KCND3: variants seen among roughly 807,000 people sequenced by gnomAD.
KCND3 encodes the protein A-type voltage-gated potassium channel KCND3.
A neutral mutation model predicts 51.1 loss-of-function variants in KCND3; 9 were observed. The ratio of observed to expected loss-of-function variants is 0.18; its 90% CI spans 0.11 to 0.31. The LOEUF (loss-of-function observed/expected upper bound fraction) is 0.31, where lower values mean the gene tolerates loss of function less well. Ranked by LOEUF, KCND3 falls within the 10% of genes least tolerant of loss-of-function variation. The pLI is 1.00. For synonymous variants in KCND3, 349 were observed against 368.0 expected (o/e 0.95, Z 0.59); for missense variants, 526 against 903.8 (o/e 0.58, Z 5.36).
intron 2 of KCND3, among the ~76,000 whole-genome samples, chr1:111,801,020 C>G (rs1313700684): frequency 6.6e-6 from 1 of 152,208 alleles, no homozygotes; most frequent in Non-Finnish European, 1.5e-5. Context: ...CCTTGTCCCT[C>G]AGGCCTGTAC....
rs530513432 is a variant in KCND3, at chr1:111,968,287, G to A, written c.1106+13334C>T. ...TTTGGCTCAGAAGGCAGGGGCACGAGTCCTCAGGTACAAAAATCTCAGGAA... is the reference window on the plus strand; with the variant it reads ...TTTGGCTCAGAAGGCAGGGGCACGAATCCTCAGGTACAAAAATCTCAGGAA... On this transcript the variant is annotated intron_variant, in intron 2 of 7. Transcript: ENST00000302127. Among the ~76,000 whole-genome samples, 39 of 152,176 alleles carry A rather than the reference G, an allele frequency of 2.6e-4. 1 individual carries two copies. The South Asian group carries it at 7.1e-3, about 28-fold the overall frequency.
rs866085188 is a variant in KCND3 at position 111,774,315 on chromosome 1, T to C, written c.*1762A>G. The C allele has an allele frequency of 6.6e-6, 1 of 152,150 alleles. No homozygotes were observed. Among genetic ancestry groups the C allele is most frequent in the African/African-American group, 2.4e-5 (1 of 41,416 alleles). The allele number at this position is 152,150 out of a possible 1,614,324, so 9.4% of individuals were successfully genotyped here. On this transcript the variant is annotated 3_prime_UTR_variant, in exon 8 of 8. Transcript: ENST00000302127. ...GCTAACCACTAAGCTGTAGGATGGATAGGCAGCTCCCGAGGAGCTCATGTA... is the reference window on the plus strand; with the variant it reads ...GCTAACCACTAAGCTGTAGGATGGACAGGCAGCTCCCGAGGAGCTCATGTA...
chr1:111,800,597 T>C (rs964257767), intron 2 of KCND3, among the ~76,000 whole-genome samples: 1 of 151,104 alleles, frequency 6.6e-6, no homozygotes, highest in African/African-American at 2.4e-5. Flanking sequence ...TTATTTGTGG[T>C]GATGCTTCCT....
At chr1:111,857,473 T>C (rs1305600709) in intron 2 of KCND3, among the ~76,000 whole-genome samples, 1 of 152,186 alleles carries the variant, frequency 6.6e-6, no homozygotes, top group African/African-American at 2.4e-5. Flanking sequence ...TTTGCCAGCA[T>C]ATGCAGTACA....
At chr1:111,980,396 A>G (rs1674884522) in intron 2 of KCND3, among the ~76,000 whole-genome samples, 1 of 152,100 alleles carries the variant, frequency 6.6e-6, no homozygotes, top group Non-Finnish European at 1.5e-5. Flanking sequence ...GACAAATGTA[A>G]TCATTTTAAA....
At chr1:111,940,444 T>C (rs1364240906) in intron 2 of KCND3, among the ~76,000 whole-genome samples, 1 of 152,234 alleles carries the variant, frequency 6.6e-6, no homozygotes, top group African/African-American at 2.4e-5. Context: ...TTTCTGCATA[T>C]GGCTAGCCTG....
At chr1:111,984,571 T>A (rs1182243805) in intron 1 of KCND3, among the ~76,000 whole-genome samples, 2 of 152,202 alleles carry the variant, frequency 1.3e-5, no homozygotes, top group African/African-American at 2.4e-5. Context: ...AAATCCATTC[T>A]GCTCAGTGTT....
intron 2 of KCND3, among the ~76,000 whole-genome samples, chr1:111,978,193 G>C (rs552904854): frequency 6.6e-6 from 1 of 152,330 alleles, no homozygotes; most frequent in East Asian, 1.9e-4. Flanking sequence ...TCATCAACGA[G>C]GTGCTGGGAA....
chr1:111,980,331 G>A (rs1674881225), intron 2 of KCND3, among the ~76,000 whole-genome samples: 1 of 151,836 alleles, frequency 6.6e-6, no homozygotes, highest in Non-Finnish European at 1.5e-5. Context: ...ACAAATGGAT[G>A]GTGACACCCT....
chr1:111,858,787 C>A (rs1478210897), intron 2 of KCND3, among the ~76,000 whole-genome samples: 1 of 152,208 alleles, frequency 6.6e-6, no homozygotes, highest in East Asian at 1.9e-4. Flanking sequence ...CACTGCCTCT[C>A]TAACCTCAAT....
At chr1:111,923,054 G>A (rs1011433925) in intron 2 of KCND3, among the ~76,000 whole-genome samples, 1 of 152,312 alleles carries the variant, frequency 6.6e-6, no homozygotes, top group South Asian at 2.1e-4. Flanking sequence ...CTCATTAGCT[G>A]TGTGACCATG....
rs115977240 is a variant in KCND3 at position 111,845,533 on chromosome 1, G to A, written c.1107-58427C>T. 3.5e-4 allele frequency among the ~76,000 whole-genome samples: 51 copies of A among 144,160 alleles called. No homozygotes were observed. The South Asian group carries it at 8.4e-3, about 24-fold the overall frequency. 94.6% of individuals were successfully genotyped at this position (144,160 alleles called of 152,430 possible). ...TACTGTCTCTCCCCATCACCCTCCC[G>A]CCCCCAATACCCCAGGGTCTCCTCC... On this transcript the variant is annotated intron_variant, in intron 2 of 7. Coordinates refer to ENST00000302127, the MANE Select transcript of KCND3 (RefSeq NM_001378969.1).
chr1:111,888,515 C>T (rs1054685571), intron 2 of KCND3, among the ~76,000 whole-genome samples: 3 of 151,968 alleles, frequency 2.0e-5, no homozygotes, highest in African/African-American at 7.3e-5. Context: ...AACCCAGTCT[C>T]TACTAAAAAC....
intron 2 of KCND3, among the ~76,000 whole-genome samples, chr1:111,932,804 A>C (rs1672041556): frequency 6.6e-6 from 1 of 152,242 alleles, no homozygotes; most frequent in Admixed American, 6.5e-5. Context: ...AAAGTTTGCC[A>C]ACAGGTGGCC....
At chr1:111,924,668 A>C (rs1467260424) in intron 2 of KCND3, among the ~76,000 whole-genome samples, 1 of 152,204 alleles carries the variant, frequency 6.6e-6, no homozygotes, top group Non-Finnish European at 1.5e-5. Context: ...GTCTTAGTTT[A>C]GGAGGAGCAG....
Position 111,965,448 on chromosome 1 carries a change from ACACACAC to A in KCND3, c.1106+16166_1106+16172del, listed in dbSNP as rs1557752832. Among the ~76,000 whole-genome samples, 349 of 135,620 alleles carry A rather than the reference ACACACAC, an allele frequency of 2.6e-3. 2 individuals are homozygous for A. The highest frequency in any genetic ancestry group is 9.2e-3 in the African/African-American group (295 of 32,122). 89.0% of individuals were successfully genotyped at this position (135,620 alleles called of 152,430 possible). On this transcript the variant is annotated intron_variant, in intron 2 of 7. Coordinates refer to ENST00000302127, the MANE Select transcript of KCND3 (RefSeq NM_001378969.1). ...TTATGGCCAGCAAAACCACACACAC[ACACACAC>A]ACACACACACACACACACACACACA...
chr1:111,807,448 CG>C lies in KCND3; in HGVS notation c.1107-20343del. Among the ~76,000 whole-genome samples the C allele has an allele frequency of 3.3e-5, 5 of 152,256 alleles. 1 individual carries two copies. The highest frequency in any genetic ancestry group is 3.3e-4 in the Admixed American group (5 of 15,292). ...ATCCCAGCACTTTGGGAGGCCAAGG[CG>C]GGTGGATCATGAGGTCAGGGGTCTG... On this transcript the variant is annotated intron_variant, in intron 2 of 7. Transcript: ENST00000302127.
intron 2 of KCND3, among the ~76,000 whole-genome samples, chr1:111,905,657 CCCTTCTGG>C (rs1670613657): frequency 6.6e-6 from 1 of 152,176 alleles, no homozygotes; most frequent in South Asian, 2.1e-4. Flanking sequence ...TGGCGTGCAG[CCCTTCTGG>C]GAGTCGCGTA....
intron 2 of KCND3, among the ~76,000 whole-genome samples, chr1:111,846,404 C>T (rs776133849): frequency 2.0e-5 from 3 of 151,104 alleles, no homozygotes; most frequent in Non-Finnish European, 4.4e-5. Context: ...TTCCTCTGTA[C>T]ACCCATGACA....
Sources: allele counts gnomAD v4.1 joint callset (sites outside exome capture counted in the v4.1 genomes callset), GRCh38; gene constraint gnomAD v4.1.1; transcripts MANE v1.5; gene names NCBI Gene and HGNC (gene_info 2026-07-23, HGNC 2026-07-21).